The following CCDC66 variants were observed in gnomAD, a reference collection of about 807,000 sequenced individuals.
CCDC66 encodes coiled-coil domain-containing protein 66.
In CCDC66, 133 loss-of-function variants were observed where a neutral mutation model predicts 128.3. The ratio of observed to expected loss-of-function variants is 1.04; its 90% CI spans 0.90 to 1.20. CCDC66 has a LOEUF of 1.20. CCDC66 is among the 50% of genes most tolerant of loss of function. The pLI is 0.00. For synonymous variants in CCDC66, 387 were observed against 357.0 expected (o/e 1.08, Z -0.95); for missense variants, 1,126 against 1,075.5 (o/e 1.05, Z -0.66).
Position 56,558,835 on chromosome 3 carries a change from T to C in CCDC66, c.12-11T>C, listed in dbSNP as rs758649971. On this transcript the variant is annotated splice_polypyrimidine_tract_variant and intron_variant, in intron 1 of 17. Transcript: ENST00000394672. ...TTAAAAATGAGAGACAACTTTCTTT[T>C]TTTATTACAGAGATGGTTTAAAGCT... 7.3e-5 allele frequency: 112 copies of C among 1,540,952 alleles called. No individual in the cohort carries two copies. Among genetic ancestry groups the C allele is most frequent in the Non-Finnish European group, 7.4e-5 (84 of 1,138,900 alleles).
chr3:56,617,328 T>C lies in CCDC66; in HGVS notation c.2060T>C (p.Ile687Thr), dbSNP rs200755390. ...CNDQCNQFTR[I>T]EKQTKHMKKY... ...GACCAGTGTAATCAGTTCACAAGAA[T>C]AGAGAAACAAACAAAACACATGAAG... Residue 687 changes from isoleucine (I) to threonine (T), a missense_variant, in exon 14 of 18, where the codon ATA becomes ACA. Ile to Thr is a moderately conservative substitution (Grantham distance 89). Transcript: ENST00000394672. The C allele has an allele frequency of 1.6e-5, 26 of 1,612,274 alleles. No individual in the cohort carries two copies. In the East Asian group the frequency reaches 3.3e-4, roughly 21 times the overall value.
intron 7 of CCDC66, among the ~76,000 whole-genome samples, chr3:56,577,137 A>G (rs1454438656): frequency 6.6e-6 from 1 of 151,656 alleles, no homozygotes; most frequent in Non-Finnish European, 1.5e-5. Context: ...ATGGTATCTC[A>G]TTGTGGTTTT....
intron 7 of CCDC66, chr3:56,572,462 A>C (rs776584259): frequency 4.7e-6 from 5 of 1,074,054 alleles, no homozygotes; most frequent in Non-Finnish European, 6.2e-6. Context: ...TGGATATTTA[A>C]ACCTTTTAGT....
intron 7 of CCDC66, chr3:56,572,541 A>T: frequency 4.4e-6 from 1 of 226,074 alleles, no homozygotes; most frequent in Non-Finnish European, 8.2e-6. Context: ...TTATCAGTTA[A>T]TTTTTACTTG....
chr3:56,573,546 C>T (rs2066918919), intron 7 of CCDC66, among the ~76,000 whole-genome samples: 1 of 152,188 alleles, frequency 6.6e-6, no homozygotes, highest in African/African-American at 2.4e-5. Flanking sequence ...TTTTATGCCC[C>T]TTCATGGGTC....
intron 10 of CCDC66, among the ~76,000 whole-genome samples, chr3:56,604,851 T>C (rs1375912474): frequency 6.6e-6 from 1 of 152,118 alleles, no homozygotes; most frequent in African/African-American, 2.4e-5. Flanking sequence ...CTGGATAATA[T>C]CCTGAAGAGT....
chr3:56,579,770 G>T (rs922032355), intron 7 of CCDC66, among the ~76,000 whole-genome samples: 4 of 151,920 alleles, frequency 2.6e-5, no homozygotes, highest in African/African-American at 9.7e-5. Flanking sequence ...TGTAGTCTGA[G>T]AGATAGTTTG....
chr3:56,560,714 C>G, intron 3 of CCDC66: 2 of 364,854 alleles, frequency 5.5e-6, no homozygotes, highest in Non-Finnish European at 1.1e-5. Context: ...AGCGAAATTC[C>G]TTCTCAAAAA....
intron 14 of CCDC66, 114 bp downstream of exon 14, chr3:56,617,719 C>A: frequency 7.6e-7 from 1 of 1,311,542 alleles, no homozygotes; most frequent in Non-Finnish European, 1.0e-6. Context: ...CATTAGGGAT[C>A]AGCAAACTAT....
intron 7 of CCDC66, among the ~76,000 whole-genome samples, chr3:56,592,708 G>A (rs2071139112): frequency 6.6e-6 from 1 of 151,412 alleles, no homozygotes; most frequent in Admixed American, 6.6e-5. Flanking sequence ...AGAATTTTCT[G>A]TTTTTCATTA....
chr3:56,559,437 T>G (rs1397218451), intron 2 of CCDC66, 132 bp from the exon 3 acceptor site: 6 of 595,312 alleles, frequency 1.0e-5, no homozygotes, highest in Middle Eastern at 4.5e-4. Flanking sequence ...TCAGTCAAGA[T>G]CTAAAGTTTA....
intron 3 of CCDC66, chr3:56,561,407 G>A: frequency 2.8e-6 from 1 of 362,358 alleles, no homozygotes; most frequent in Non-Finnish European, 5.3e-6. Flanking sequence ...TACTAGTCTT[G>A]GACTTTTGAT....
intron 7 of CCDC66, among the ~76,000 whole-genome samples, chr3:56,580,626 A>AT (rs753354367): frequency 2.6e-4 from 39 of 151,844 alleles, no homozygotes; most frequent in Admixed American, 6.6e-4. Flanking sequence ...ATCTCTCAGC[A>AT]TTTGTTTGTT....
At chr3:56,578,951 T>A (rs187226095) in intron 7 of CCDC66, among the ~76,000 whole-genome samples, 337 of 152,002 alleles carry the variant, frequency 2.2e-3, no homozygotes, top group Non-Finnish European at 3.4e-3. Context: ...GATTCCCTCT[T>A]TTTCTATTGA....
intron 4 of CCDC66, among the ~76,000 whole-genome samples, chr3:56,564,475 C>A (rs78446869): frequency 6.6e-6 from 1 of 152,150 alleles, no homozygotes; most frequent in East Asian, 1.9e-4. Context: ...TACGGTATTT[C>A]CAGTGAAAAT....
At chr3:56,581,898 G>T (rs1278311327) in intron 7 of CCDC66, among the ~76,000 whole-genome samples, 1 of 151,904 alleles carries the variant, frequency 6.6e-6, no homozygotes, top group Non-Finnish European at 1.5e-5. Flanking sequence ...TCCGTTCTCA[G>T]ATCTCAAACT....
chr3:56,616,169 A>G, intron 13 of CCDC66, 116 bp downstream of exon 13: 2 of 878,940 alleles, frequency 2.3e-6, no homozygotes, highest in South Asian at 1.5e-5. Context: ...GGTTTTCAGT[A>G]AGAGTTACAA....
intron 10 of CCDC66, among the ~76,000 whole-genome samples, chr3:56,601,108 C>A (rs949971331): frequency 2.0e-5 from 3 of 152,028 alleles, no homozygotes; most frequent in Non-Finnish European, 2.9e-5. Flanking sequence ...GGTTTTAGGT[C>A]TTACGTTTAA....
chr3:56,569,352 G>A, intron 6 of CCDC66: 1 of 347,472 alleles, frequency 2.9e-6, no homozygotes. Flanking sequence ...CATCTCCTCG[G>A]CTTCTGGTGA....
Sources: allele counts gnomAD v4.1 joint callset (sites outside exome capture counted in the v4.1 genomes callset), GRCh38; gene constraint gnomAD v4.1.1; transcripts MANE v1.5; gene names NCBI Gene and HGNC (gene_info 2026-07-23, HGNC 2026-07-21).